The following TUT7 variants were observed in gnomAD, a reference collection of about 807,000 sequenced individuals.
The protein encoded by TUT7 is terminal uridylyltransferase 7.
In TUT7, 33 loss-of-function variants were observed where a neutral mutation model predicts 165.9. The ratio of observed to expected loss-of-function variants is 0.20; its 90% CI spans 0.15 to 0.27. The LOEUF (loss-of-function observed/expected upper bound fraction) is 0.27. TUT7 is among the 10% of genes least tolerant of loss of function. The pLI is 1.00. For missense variants in TUT7, 1,338 were observed against 1,762.3 expected (o/e 0.76, Z 4.31); for synonymous variants, 552 against 608.1 (o/e 0.91, Z 1.36).
intron 10 of TUT7, chr9:86,337,193 T>G (rs1830862758): frequency 2.3e-6 from 1 of 440,882 alleles, no homozygotes. Flanking sequence ...TAAGAGATTT[T>G]GCAGTCTAGA....
At chr9:86,319,938 T>C (rs756344389) in intron 14 of TUT7, among the ~76,000 whole-genome samples, 1 of 152,180 alleles carries the variant, frequency 6.6e-6, no homozygotes, top group Non-Finnish European at 1.5e-5. Flanking sequence ...GCTCAAGCCA[T>C]CTTCCCACCT....
In TUT7 at chr9:86,328,486, C is replaced by A; in HGVS notation, c.1462G>T (p.Gly488Ter). 1 of 1,600,678 alleles carries A rather than the reference C, an allele frequency of 6.2e-7. No homozygotes were observed. The highest frequency in any genetic ancestry group is 8.5e-7 in the Non-Finnish European group (1 of 1,174,730). The change falls in exon 11 of 27, where the codon GGA becomes TGA. Residue 488 changes from glycine (G) to a stop codon, truncating the protein, a stop_gained. Coordinates refer to ENST00000375963, the MANE Select transcript of TUT7 (RefSeq NM_024617.4). LOFTEE classifies it high-confidence loss of function. ...LPVYLGSWIE[G>*]FSLSKLGNFN... ...TTCCCTAGTTTGCTTAATGAGAATC[C>A]TTCAATCTAGGAAAAATTAGACACA...
intron 26 of TUT7, chr9:86,298,740 C>T (rs1826588880): frequency 3.1e-6 from 3 of 964,674 alleles, no homozygotes; most frequent in African/African-American, 3.5e-5. Context: ...AAATAACACA[C>T]ATTTGTTTTT....
intron 25 of TUT7, among the ~76,000 whole-genome samples, chr9:86,302,678 G>A (rs555270231): frequency 3.4e-5 from 5 of 148,498 alleles, no homozygotes; most frequent in South Asian, 2.1e-4. Flanking sequence ...GTGCAATGGC[G>A]TGATTTGGGC....
intron 17 of TUT7, 59 bp from the exon 18 acceptor site, chr9:86,310,868 T>G: frequency 2.1e-6 from 2 of 959,924 alleles, no homozygotes; most frequent in Non-Finnish European, 3.4e-6. Context: ...TAAGTAACTC[T>G]TATGTTAATG....
chr9:86,338,135 G>C (rs986437437), intron 9 of TUT7, among the ~76,000 whole-genome samples: 1 of 152,022 alleles, frequency 6.6e-6, no homozygotes, highest in African/African-American at 2.4e-5. Flanking sequence ...CAAGAAACGG[G>C]AAGTATCTAT....
intron 21 of TUT7, 83 bp downstream of exon 21, chr9:86,309,129 A>C: frequency 1.2e-6 from 1 of 800,826 alleles, no homozygotes; most frequent in Non-Finnish European, 2.1e-6. Flanking sequence ...ACAAGCAATA[A>C]AATAGTTGTT....
chr9:86,333,503 T>C (rs572054222), intron 10 of TUT7, among the ~76,000 whole-genome samples: 6 of 152,356 alleles, frequency 3.9e-5, no homozygotes, highest in African/African-American at 1.4e-4. Context: ...TCTAGTCTAC[T>C]AATGAGCCCA....
At chr9:86,299,836 G>C (rs1423045041) in intron 26 of TUT7, among the ~76,000 whole-genome samples, 1 of 152,194 alleles carries the variant, frequency 6.6e-6, no homozygotes, top group Non-Finnish European at 1.5e-5. Flanking sequence ...TTTCAGTCAT[G>C]AGTAATCAAC....
At chr9:86,310,315 TC>T (rs1034633340) in intron 18 of TUT7, among the ~76,000 whole-genome samples, 1 of 152,114 alleles carries the variant, frequency 6.6e-6, no homozygotes, top group Non-Finnish European at 1.5e-5. Flanking sequence ...CTTTTTTTTT[TC>T]CCTAAAGACA....
chr9:86,298,902 A>G, intron 26 of TUT7: 1 of 757,818 alleles, frequency 1.3e-6, no homozygotes, highest in African/African-American at 1.9e-5. Context: ...AACCGAAACC[A>G]TATCCAAGGA....
At position 86,322,889 on chromosome 9, in the gene TUT7, A is replaced by G. The variant is rs140976292; in HGVS notation, c.2861T>C (p.Ile954Thr). The change falls in exon 13 of 27, where the codon ATC (isoleucine) becomes ACC (threonine). Residue 954 changes from isoleucine to threonine, a missense_variant. This residue lies in a region of TUT7 where 425 missense variants were observed against 474.9 expected (regional missense o/e 0.89). Coordinates refer to ENST00000375963, the MANE Select transcript of TUT7 (RefSeq NM_024617.4). ...ACTGATTACCTTGCCTTTGGTGAAG[A>G]TAAGTTTACTGAATTCATAAAAAAA... ...SDFFYEFSKL[I>T]FTKGKSPTVV... is the part of the protein sequence containing the mutation. The G allele has an allele frequency of 5.0e-6, 8 of 1,600,280 alleles. No homozygotes were observed. The highest frequency in any genetic ancestry group is 2.2e-5 in the East Asian group (1 of 44,844).
In TUT7 at chr9:86,308,519, C is replaced by A; in HGVS notation, c.3748G>T (p.Asp1250Tyr). 6.2e-7 allele frequency: 1 copy of A among 1,614,028 alleles called. No homozygotes were observed. Among genetic ancestry groups the A allele is most frequent in the South Asian group, 1.1e-5 (1 of 91,062 alleles). ...ATGCTAATAACATGTTCTTTAAAAT[C>A]AAATTCCTCTGTGTAGAAACGAAGA... ...GLLRFYTEEF[D>Y]FKEHVISIRR... The change falls in exon 22 of 27, where the codon GAT (aspartate) becomes TAT (tyrosine). Residue 1250 changes from aspartate to tyrosine, a missense_variant. Around this residue, in one of 7 missense-constraint regions of TUT7, gnomAD observed 157 missense variants for 357.5 expected, o/e 0.44. Transcript: ENST00000375963.
At chr9:86,350,158 C>T (rs1467141228) in intron 2 of TUT7, among the ~76,000 whole-genome samples, 1 of 152,054 alleles carries the variant, frequency 6.6e-6, no homozygotes, top group Non-Finnish European at 1.5e-5. Flanking sequence ...TGCTAAAACC[C>T]CAACTCTACT....
At chr9:86,299,038 C>T (rs1218171342) in intron 26 of TUT7, among the ~76,000 whole-genome samples, 11 of 152,142 alleles carry the variant, frequency 7.2e-5, no homozygotes, top group African/African-American at 2.2e-4. Context: ...GCACCACACC[C>T]GCGCAGGACA....
At chr9:86,338,447 T>C (rs1359042223) in intron 9 of TUT7, among the ~76,000 whole-genome samples, 1 of 152,178 alleles carries the variant, frequency 6.6e-6, no homozygotes, top group Non-Finnish European at 1.5e-5. Flanking sequence ...AGAGAGTATC[T>C]TCTATTTTTT....
chr9:86,302,481 C>T (rs1034128669), intron 25 of TUT7, among the ~76,000 whole-genome samples: 1 of 152,212 alleles, frequency 6.6e-6, no homozygotes, highest in Non-Finnish European at 1.5e-5. Context: ...CTTCTCACTA[C>T]TGTAAAAAGG....
intron 21 of TUT7, 35 bp downstream of exon 21, chr9:86,309,176 AG>A: frequency 1.5e-6 from 2 of 1,361,242 alleles, no homozygotes; most frequent in Non-Finnish European, 2.1e-6. Context: ...TTTTTAGTCA[AG>A]GATATAGGAA....
chr9:86,325,332 A>G lies in TUT7; in HGVS notation c.1789+2T>C. On this transcript the variant is annotated splice_donor_variant, in intron 12 of 26. Coordinates refer to ENST00000375963, the MANE Select transcript of TUT7 (RefSeq NM_024617.4). LOFTEE classifies it high-confidence loss of function. ...GGGAATAAGATAAACATTTTGAGATACCTTCAATGGCAATGCGCTTTTTGG... is the reference window on the plus strand; with the variant it reads ...GGGAATAAGATAAACATTTTGAGATGCCTTCAATGGCAATGCGCTTTTTGG... 1 of 1,613,040 alleles carries G rather than the reference A, an allele frequency of 6.2e-7. No individual in the cohort carries two copies.
Sources: allele counts gnomAD v4.1 joint callset (sites outside exome capture counted in the v4.1 genomes callset), GRCh38; gene constraint gnomAD v4.1.1; regional missense constraint gnomAD v4.1.1; transcripts MANE v1.5; gene names NCBI Gene and HGNC (gene_info 2026-07-23, HGNC 2026-07-21).